STC2: variants seen among roughly 807,000 people sequenced by gnomAD.
STC2 encodes stanniocalcin 2.
Under a neutral mutation model 22.7 loss-of-function variants are expected in STC2, and 7 were observed. The observed-to-expected ratio is 0.31, with a 90% CI of 0.18 to 0.58. The LOEUF (loss-of-function observed/expected upper bound fraction) is 0.58. STC2 is among the 20% of genes least tolerant of loss of function. The probability of loss-of-function intolerance (pLI) is 0.89; values close to 1 mark genes in which losing one functional copy is unlikely to be tolerated. For synonymous variants in STC2, 158 were observed against 163.4 expected, an observed-to-expected ratio of 0.97 and a Z score of 0.25; for missense variants, 336 against 406.2, an observed-to-expected ratio of 0.83 and a Z score of 1.48.
intron 3 of STC2, among the ~76,000 whole-genome samples, chr5:173,318,731 C>T (rs1762454953): frequency 2.0e-5 from 3 of 152,156 alleles, no homozygotes; most frequent in Admixed American, 6.5e-5. Flanking sequence ...AAGAGGAAAC[C>T]ATGAAGGTTT....
chr5:173,320,240 TCC>T (rs1762468117), intron 3 of STC2, among the ~76,000 whole-genome samples: 1 of 150,832 alleles, frequency 6.6e-6, no homozygotes, highest in South Asian at 2.1e-4. Context: ...TCTTTCGCCT[TCC>T]CGGCCAGGGC....
chr5:173,328,199 T>C lies in STC2; in HGVS notation c.-6A>G. 1 of 1,491,252 alleles carries C rather than the reference T, an allele frequency of 6.7e-7. No homozygotes were observed. The highest frequency in any genetic ancestry group is 1.4e-5 in the South Asian group (1 of 71,850). 92.4% of individuals were successfully genotyped at this position (1,491,252 alleles called of 1,614,324 possible). A position where few individuals can be genotyped will look rare whatever the true frequency, so the allele number is the denominator to read the frequency against. ...CCCAGCCGCTCGGCACACATGGTTC[T>C]TGGTATTAACCTCCCGTCGGGAGAC... On this transcript the variant is annotated 5_prime_UTR_variant, in exon 1 of 4. Coordinates refer to ENST00000265087, the MANE Select transcript of STC2 (RefSeq NM_003714.3).
intron 3 of STC2, among the ~76,000 whole-genome samples, chr5:173,322,309 T>C (rs1762496812): frequency 8.3e-6 from 1 of 121,046 alleles, no homozygotes; most frequent in South Asian, 2.6e-4. Context: ...AAAAAAAAAA[T>C]CTTCAGGGGC....
chr5:173,325,984 C>T lies in STC2; in HGVS notation c.178G>A (p.Ala60Thr), dbSNP rs770708060. Residue 60 changes from alanine to threonine, a missense_variant, in exon 2 of 4, where the codon GCT becomes ACT. Around this residue, in one of 3 missense-constraint regions of STC2, gnomAD observed 99 missense variants for 122.7 expected, o/e 0.81. Coordinates refer to ENST00000265087, the MANE Select transcript of STC2 (RefSeq NM_003714.3). The surrounding 1 kb of genome is among the most constrained non-coding windows in gnomAD (Gnocchi z 4.7). ...AACACGCCACACCCCACATCGCCAG[C>T]GTTGACCAAACAGTGCTGGATCTCC... is the stretch of plus-strand genomic sequence containing the variant. ...TAEIQHCLVN[A>T]GDVGCGVFEC... is the part of the protein sequence containing the mutation. 3.7e-6 allele frequency: 6 copies of T among 1,614,054 alleles called. No homozygotes were observed. The highest frequency in any genetic ancestry group is 2.2e-5 in the South Asian group (2 of 91,082).
Position 173,317,633 on chromosome 5 carries a change from A to G in STC2, c.*214T>C. On this transcript the variant is annotated 3_prime_UTR_variant, in exon 4 of 4. Transcript: ENST00000265087. The stretch of plus-strand genomic sequence containing the variant: ...GGGCGCGCTCCCTTGAGTACGTGTA[A>G]GTGCAGAATTCACCAGGCACCCCTG... 2.1e-6 allele frequency: 1 copy of G among 481,140 alleles called. No homozygotes were observed. Among genetic ancestry groups the G allele is most frequent in the South Asian group, 5.6e-5 (1 of 17,912 alleles). 29.8% of individuals were successfully genotyped at this position (481,140 alleles called of 1,614,324 possible).
In STC2 at chr5:173,315,790, C is replaced by T. The variant is rs1446659648; in HGVS notation, c.*2057G>A. On this transcript the variant is annotated 3_prime_UTR_variant, in exon 4 of 4. Transcript: ENST00000265087. The stretch of plus-strand genomic sequence containing the variant: ...CCTGACACACAGGTCCTCCTCCCCC[C>T]AAGGGCAGAGCTGGATTAAGTGCAC... 6.6e-6 allele frequency: 1 copy of T among 152,284 alleles called. No homozygotes were observed. Among genetic ancestry groups the T allele is most frequent in the South Asian group, 2.1e-4 (1 of 4,830 alleles). The allele number at this position is 152,284 out of a possible 1,614,324, so 9.4% of individuals were successfully genotyped here.
chr5:173,318,341 G>A, intron 3 of STC2, 92 bp from the exon 4 acceptor site: 1 of 1,264,280 alleles, frequency 7.9e-7, no homozygotes, highest in Non-Finnish European at 1.0e-6. Flanking sequence ...ACAGAGGGCA[G>A]GGGCAATGCT....
intron 2 of STC2, among the ~76,000 whole-genome samples, chr5:173,324,872 A>G (rs893421978): frequency 1.3e-5 from 2 of 152,204 alleles, no homozygotes; most frequent in Non-Finnish European, 2.9e-5. Flanking sequence ...CAAGGAGTTC[A>G]AAGTTCTACC....
chr5:173,328,200 T>G lies in STC2; in HGVS notation c.-7A>C, dbSNP rs771935193. ...CCAGCCGCTCGGCACACATGGTTCT[T>G]GGTATTAACCTCCCGTCGGGAGACC... On this transcript the variant is annotated 5_prime_UTR_variant, in exon 1 of 4. Coordinates refer to ENST00000265087, the MANE Select transcript of STC2 (RefSeq NM_003714.3). 3 of 1,488,950 alleles carry G rather than the reference T, an allele frequency of 2.0e-6. No individual in the cohort carries two copies. Among genetic ancestry groups the G allele is most frequent in the Middle Eastern group, 3.6e-4 (2 of 5,618 alleles). 92.2% of individuals were successfully genotyped at this position (1,488,950 alleles called of 1,614,324 possible).
At position 173,323,363 on chromosome 5, in the gene STC2, A is replaced by G. The variant is rs1762508993; in HGVS notation, c.362T>C (p.Ile121Thr). 3.1e-6 allele frequency: 5 copies of G among 1,614,068 alleles called. No individual in the cohort carries two copies. The highest frequency in any genetic ancestry group is 1.3e-5 in the African/African-American group (1 of 74,946). Reference sequence around the variant, plus strand: ...CCTGATGGCCGGGCACTTCCGGCTTATGCAGCCGAACCTGTGCCGCAGAGC... The same window carrying G: ...CCTGATGGCCGGGCACTTCCGGCTTGTGCAGCCGAACCTGTGCCGCAGAGC... ...AHALRHRFGC[I>T]SRKCPAIREM... The change falls in exon 3 of 4, where the codon ATA becomes ACA. Residue 121 changes from isoleucine (I) to threonine (T), a missense_variant. Physicochemically the swap from Ile to Thr is moderately conservative, Grantham distance 89. Around this residue, in one of 3 missense-constraint regions of STC2, gnomAD observed 22 missense variants for 52.0 expected, o/e 0.42. Coordinates refer to ENST00000265087, the MANE Select transcript of STC2 (RefSeq NM_003714.3). The surrounding 1 kb of genome is among the most constrained non-coding windows in gnomAD (Gnocchi z 5.4).
At position 173,323,104 on chromosome 5, in the gene STC2, C is replaced by T. The variant is rs913668327; in HGVS notation, c.506+115G>A. 1 of 963,872 alleles carries T rather than the reference C, an allele frequency of 1.0e-6. No homozygotes were observed. Among genetic ancestry groups the T allele is most frequent in the African/African-American group, 1.6e-5 (1 of 61,820 alleles). 59.7% of individuals were successfully genotyped at this position (963,872 alleles called of 1,614,324 possible). On this transcript the variant is annotated intron_variant, in intron 3 of 3. Transcript: ENST00000265087. The surrounding 1 kb of genome is among the most constrained non-coding windows in gnomAD (Gnocchi z 5.4). ...GTAGCTTTCTGAAGTAAATGGAAGC[C>T]TTCTCCATTTGACAGGCATTCAGCC...
chr5:173,321,268 G>T (rs1187111721), intron 3 of STC2, among the ~76,000 whole-genome samples: 1 of 152,094 alleles, frequency 6.6e-6, no homozygotes, highest in Non-Finnish European at 1.5e-5. Context: ...TTTTCCCAAA[G>T]AATACTTTTC....
chr5:173,318,298 G>GAA, intron 3 of STC2, 49 bp from the exon 4 acceptor site: 1 of 1,368,340 alleles, frequency 7.3e-7, no homozygotes, highest in East Asian at 2.6e-5. Context: ...GAGAGAGAGA[G>GAA]AGGCTGGGAA....
chr5:173,318,899 G>A (rs116329742), intron 3 of STC2, among the ~76,000 whole-genome samples: 8 of 152,294 alleles, frequency 5.3e-5, no homozygotes, highest in Non-Finnish European at 1.0e-4. Flanking sequence ...GAAGTGGGAG[G>A]GAGGAAGACC....
rs4041247 is a variant in STC2 at position 173,318,266 on chromosome 5, A to AAGAGAGAGAGAGAGAGAGAGAG, written c.507-39_507-18dup. On this transcript the variant is annotated splice_polypyrimidine_tract_variant and intron_variant, in intron 3 of 3. Coordinates refer to ENST00000265087, the MANE Select transcript of STC2 (RefSeq NM_003714.3). ...ACGTAGGGTCTAAAGATTGAAAGCA[A>AAGAGAGAGAGAGAGAGAGAGAG]AGAGAGAGAGAGAGAGAGAGAGAGA... The AAGAGAGAGAGAGAGAGAGAGAG allele has an allele frequency of 3.2e-4, 395 of 1,235,760 alleles. 2 individuals are homozygous for AAGAGAGAGAGAGAGAGAGAGAG. The African/African-American group carries it at 4.8e-3, about 15-fold the overall frequency. 76.5% of individuals were successfully genotyped at this position (1,235,760 alleles called of 1,614,324 possible). A position where few individuals can be genotyped will look rare whatever the true frequency, so the allele number is the denominator to read the frequency against.
rs895087941 is a variant in STC2, at chr5:173,317,651, C to T, written c.*196G>A. 1.8e-6 allele frequency: 1 copy of T among 567,542 alleles called. No homozygotes were observed. Among genetic ancestry groups the T allele is most frequent in the Non-Finnish European group, 2.8e-6 (1 of 353,130 alleles). The allele number at this position is 567,542 out of a possible 1,614,324, so 35.2% of individuals were successfully genotyped here. ...ACGTGTAAGTGCAGAATTCACCAGG[C>T]ACCCCTGAGACCCCACGGCCCCAGG... On this transcript the variant is annotated 3_prime_UTR_variant, in exon 4 of 4. Coordinates refer to ENST00000265087, the MANE Select transcript of STC2 (RefSeq NM_003714.3).
At chr5:173,320,102 G>A (rs1050247871) in intron 3 of STC2, among the ~76,000 whole-genome samples, 7 of 152,228 alleles carry the variant, frequency 4.6e-5, no homozygotes, top group African/African-American at 1.4e-4. Flanking sequence ...TGTGCCTGCC[G>A]CGGCACCAGG....
chr5:173,327,781 TC>T (rs1287803463), intron 1 of STC2, among the ~76,000 whole-genome samples: 1 of 152,158 alleles, frequency 6.6e-6, no homozygotes, highest in East Asian at 1.9e-4. Context: ...CTGCTTCATT[TC>T]CCCTCGACCC....
At position 173,323,338 on chromosome 5, in the gene STC2, C is replaced by T. The variant is rs755255816; in HGVS notation, c.387G>A (p.Arg129=). Residue 129 remains arginine (R), a synonymous_variant, in exon 3 of 4, where the codon AGG becomes AGA. Transcript: ENST00000265087. The surrounding 1 kb of genome is among the most constrained non-coding windows in gnomAD (Gnocchi z 5.4). ...CCCGCTGCAACTGGGACACCATTTCCCTGATGGCCGGGCACTTCCGGCTTA... is the reference window on the plus strand; with the variant it reads ...CCCGCTGCAACTGGGACACCATTTCTCTGATGGCCGGGCACTTCCGGCTTA... ...GCISRKCPAI[R]EMVSQLQREC... The T allele has an allele frequency of 1.2e-6, 2 of 1,614,230 alleles. No individual in the cohort carries two copies.
Sources: allele counts gnomAD v4.1 joint callset (sites outside exome capture counted in the v4.1 genomes callset), GRCh38; gene constraint gnomAD v4.1.1; regional missense constraint gnomAD v4.1.1; non-coding constraint Gnocchi (gnomAD v3.1); transcripts MANE v1.5; gene names NCBI Gene and HGNC (gene_info 2026-07-23, HGNC 2026-07-21).